Variants in KLK7 observed in about 807,000 individuals in gnomAD.
KLK7 encodes the protein kallikrein-7.
Under a neutral mutation model 21.0 loss-of-function variants are expected in KLK7, and 17 were observed. That is an observed-to-expected ratio of 0.81 (90% confidence interval 0.55 to 1.21). KLK7 has a LOEUF of 1.21. Ranked by LOEUF, KLK7 falls within the 50% of genes most tolerant of loss-of-function variation. The pLI is 0.00. For missense variants in KLK7, 330 were observed against 322.8 expected (o/e 1.02, Z -0.17); for synonymous variants, 151 against 134.6 (o/e 1.12, Z -0.85).
chr19:50,982,226 T>C lies in KLK7; in HGVS notation c.73+101A>G, dbSNP rs532081065. ...AGCCGACAGTCTGGTCCTCCCAGGA[T>C]GGAAGCTGTTTGAGGAGGGAAGGGT... On this transcript the variant is annotated intron_variant, in intron 2 of 5. Coordinates refer to ENST00000595820, the MANE Select transcript of KLK7 (RefSeq NM_005046.4). The C allele has an allele frequency of 4.8e-6, 7 of 1,452,316 alleles. No individual in the cohort carries two copies. In the African/African-American group the frequency reaches 7.0e-5, roughly 15 times the overall value. The allele number at this position is 1,452,316 out of a possible 1,614,324, so 90.0% of individuals were successfully genotyped here.
intron 5 of KLK7, 115 bp from the exon 6 acceptor site, chr19:50,977,806 C>T (rs1260200470): frequency 7.6e-6 from 8 of 1,050,648 alleles, no homozygotes; most frequent in Admixed American, 2.2e-5. Flanking sequence ...CCACCATAGC[C>T]AATGAGAAGA....
At chr19:50,981,257 G>GAA (rs2091082618) in intron 3 of KLK7, among the ~76,000 whole-genome samples, 2 of 141,226 alleles carry the variant, frequency 1.4e-5, no homozygotes, top group African/African-American at 2.8e-5. Context: ...AGAGAGAGAG[G>GAA]GACAGAGACC....
chr19:50,983,652 G>T, intron 1 of KLK7, 199 bp downstream of exon 1: 1 of 654,038 alleles, frequency 1.5e-6, no homozygotes, highest in Non-Finnish European at 2.2e-6. Context: ...CTCCGATCTT[G>T]CCCTTCCCTG....
Position 50,979,877 on chromosome 19 carries a change from G to T in KLK7, c.517C>A (p.Pro173Thr). ...TTGTAAACCTTCGTGCAGTCCTGGG[G>T]GGAGATGAGCTTGACATCCACGCAC... ...LMCVDVKLIS[P>T]QDCTKVYKDL... Residue 173 changes from proline to threonine, a missense_variant, in exon 5 of 6, where the codon CCC (proline) becomes ACC (threonine). Pro to Thr is a conservative substitution (Grantham distance 38). Transcript: ENST00000595820. The T allele has an allele frequency of 6.3e-7, 1 of 1,592,038 alleles. No homozygotes were observed. The highest frequency in any genetic ancestry group is 8.6e-7 in the Non-Finnish European group (1 of 1,169,102).
chr19:50,977,591 G>A lies in KLK7; in HGVS notation c.707C>T (p.Thr236Ile). The A allele has an allele frequency of 6.2e-7, 1 of 1,613,940 alleles. No individual in the cohort carries two copies. Among genetic ancestry groups the A allele is most frequent in the Non-Finnish European group, 8.5e-7 (1 of 1,179,970 alleles). ...CCACTTGGTGAACTTGCACACTTGA[G>A]TGTAGACTCCTGGGTCATTGGGTTG... ...CGQPNDPGVY[T>I]QVCKFTKWIN... Residue 236 changes from threonine to isoleucine, a missense_variant, in exon 6 of 6, where the codon ACT (threonine) becomes ATT (isoleucine). Transcript: ENST00000595820.
intron 5 of KLK7, 109 bp from the exon 6 acceptor site, chr19:50,977,800 C>T: frequency 9.0e-7 from 1 of 1,115,600 alleles, no homozygotes; most frequent in Non-Finnish European, 1.3e-6. Flanking sequence ...GGACTTCCAC[C>T]ATAGCCAATG....
rs762272225 is a variant in KLK7, at chr19:50,980,491, C to A, written c.222-4G>T. On this transcript the variant is annotated splice_region_variant and splice_polypyrimidine_tract_variant and intron_variant, in intron 3 of 5. Coordinates refer to ENST00000595820, the MANE Select transcript of KLK7 (RefSeq NM_005046.4). ...GCCCAGGTGCACGGTGTACTCACTG[C>A]GAGGAGTGACATTCACAGATTCAGA... is the stretch of plus-strand genomic sequence containing the variant. The A allele has an allele frequency of 6.2e-7, 1 of 1,613,302 alleles. No homozygotes were observed. Among genetic ancestry groups the A allele is most frequent in the Non-Finnish European group, 8.5e-7 (1 of 1,179,776 alleles).
At position 50,977,353 on chromosome 19, in the gene KLK7, G is replaced by T; in HGVS notation, c.*183C>A. The T allele has an allele frequency of 1.6e-6, 1 of 614,032 alleles. No individual in the cohort carries two copies. Among genetic ancestry groups the T allele is most frequent in the Non-Finnish European group, 2.8e-6 (1 of 351,122 alleles). 38.0% of individuals were successfully genotyped at this position (614,032 alleles called of 1,614,324 possible). ...TCTTCTCCAGCACTGAGGGTTTTGTGTTTCTTTATTTGTTTTGGTTTTAGG... is the reference window on the plus strand; with the variant it reads ...TCTTCTCCAGCACTGAGGGTTTTGTTTTTCTTTATTTGTTTTGGTTTTAGG... On this transcript the variant is annotated 3_prime_UTR_variant, in exon 6 of 6. Transcript: ENST00000595820.
chr19:50,978,923 A>G, intron 5 of KLK7, among the ~76,000 whole-genome samples: 1 of 142,318 alleles, frequency 7.0e-6, no homozygotes, highest in East Asian at 2.2e-4. Context: ...GAGGGAGGGG[A>G]GGAGAGAGAG....
At chr19:50,980,165 G>C (rs1387891056) in intron 4 of KLK7, 75 bp downstream of exon 4, 1 of 1,497,366 alleles carries the variant, frequency 6.7e-7, no homozygotes, top group African/African-American at 1.4e-5. Flanking sequence ...AGGGAGGAGG[G>C]GCTGGGGGCC....
chr19:50,979,780 G>T lies in KLK7; in HGVS notation c.606+8C>A, dbSNP rs751276468. On this transcript the variant is annotated splice_region_variant and intron_variant, in intron 5 of 5. Coordinates refer to ENST00000595820, the MANE Select transcript of KLK7 (RefSeq NM_005046.4). The stretch of plus-strand genomic sequence containing the variant: ...GGACTGGGGAGGAATTGGGGGGGAG[G>T]GTCTCACATTGCAGGCGTTTTTCTT... 1.3e-6 allele frequency: 2 copies of T among 1,565,120 alleles called. No individual in the cohort carries two copies. Among genetic ancestry groups the T allele is most frequent in the Admixed American group, 3.8e-5 (2 of 52,768 alleles).
rs2091044834 is a variant in KLK7, at chr19:50,977,261, C to G, written c.*275G>C. The G allele has an allele frequency of 5.5e-6, 2 of 361,964 alleles. No individual in the cohort carries two copies. Among genetic ancestry groups the G allele is most frequent in the East Asian group, 4.6e-5 (1 of 21,698 alleles). The allele number at this position is 361,964 out of a possible 1,614,324, so 22.4% of individuals were successfully genotyped here. On this transcript the variant is annotated 3_prime_UTR_variant, in exon 6 of 6. Transcript: ENST00000595820. Reference sequence around the variant, plus strand: ...AATAAGGGTCTCGGTGTACGTTGACCAAGTGTCTTCCGTAAAGACTGTACG... The same window carrying G: ...AATAAGGGTCTCGGTGTACGTTGACGAAGTGTCTTCCGTAAAGACTGTACG...
At position 50,982,416 on chromosome 19, in the gene KLK7, G is replaced by T. The variant is rs373769129; in HGVS notation, c.-17C>A. 5 of 1,599,402 alleles carry T rather than the reference G, an allele frequency of 3.1e-6. No homozygotes were observed. The African/African-American group carries it at 5.4e-5, about 17-fold the overall frequency. ...TCTTGCCATGGTGCCCTGCTGAGCCGCTCAGGGGCTGCCAGGCGAGGAAGG... is the reference window on the plus strand; with the variant it reads ...TCTTGCCATGGTGCCCTGCTGAGCCTCTCAGGGGCTGCCAGGCGAGGAAGG... On this transcript the variant is annotated 5_prime_UTR_variant, in exon 2 of 6. Coordinates refer to ENST00000595820, the MANE Select transcript of KLK7 (RefSeq NM_005046.4).
chr19:50,980,267 C>A lies in KLK7; in HGVS notation c.442G>T (p.Gly148Cys). 1 of 1,613,846 alleles carries A rather than the reference C, an allele frequency of 6.2e-7. No individual in the cohort carries two copies. Among genetic ancestry groups the A allele is most frequent in the Non-Finnish European group, 8.5e-7 (1 of 1,179,942 alleles). The change falls in exon 4 of 6, where the codon GGC becomes TGC. Residue 148 changes from glycine to cysteine, a missense_variant. Transcript: ENST00000595820. ...TCTGGGCTCGTGGTAGTGCCCCAGC[C>A]GGAGACAGTACAGGTGGTTCCAGGG... ...EPPGTTCTVSGWGTTTSPDVT... is the reference protein window; with the variant it reads ...EPPGTTCTVSCWGTTTSPDVT...
Position 50,977,546 on chromosome 19 carries a change from T to C in KLK7, c.752A>G (p.Lys251Arg), listed in dbSNP as rs199661764. ...TAACTCAGTGTGGCGTTAGCGATGCTTTTTCATGGTGTCATTTATCCACTT... is the reference window on the plus strand; with the variant it reads ...TAACTCAGTGTGGCGTTAGCGATGCCTTTTCATGGTGTCATTTATCCACTT... The part of the protein sequence containing the change: ...FTKWINDTMK[K>R]HR The change falls in exon 6 of 6, where the codon AAG (lysine) becomes AGG (arginine). Residue 251 changes from lysine (K) to arginine (R), a missense_variant. By Grantham distance (26) the Lys-to-Arg change is conservative. Transcript: ENST00000595820. 10 of 1,613,728 alleles carry C rather than the reference T, an allele frequency of 6.2e-6. No individual in the cohort carries two copies. Among genetic ancestry groups the C allele is most frequent in the Admixed American group, 3.3e-5 (2 of 60,014 alleles).
rs779014484 is a variant in KLK7, at chr19:50,976,590, T to C, written c.*946A>G. ...ACCCCAGTATGCAGTCTGGGACATG[T>C]GTTTTCAGATCTGATTCTGTGAATA... is the stretch of plus-strand genomic sequence containing the variant. On this transcript the variant is annotated 3_prime_UTR_variant, in exon 6 of 6. Transcript: ENST00000595820. 2.6e-5 allele frequency: 4 copies of C among 152,228 alleles called. No individual in the cohort carries two copies. The highest frequency in any genetic ancestry group is 4.4e-5 in the Non-Finnish European group (3 of 68,042). 9.4% of individuals were successfully genotyped at this position (152,228 alleles called of 1,614,324 possible). A position where few individuals can be genotyped will look rare whatever the true frequency, so the allele number is the denominator to read the frequency against.
Position 50,979,808 on chromosome 19 carries a change from A to C in KLK7, c.586T>G (p.Ser196Ala). 1 of 1,573,134 alleles carries C rather than the reference A, an allele frequency of 6.4e-7. No homozygotes were observed. The highest frequency in any genetic ancestry group is 8.6e-7 in the Non-Finnish European group (1 of 1,158,138). The change falls in exon 5 of 6, where the codon TCC becomes GCC. Residue 196 changes from serine to alanine, a missense_variant. Coordinates refer to ENST00000595820, the MANE Select transcript of KLK7 (RefSeq NM_005046.4). ...NSMLCAGIPD[S>A]KKNACNGDSG... The stretch of plus-strand genomic sequence containing the variant: ...CTCACATTGCAGGCGTTTTTCTTGG[A>C]GTCGGGGATGCCAGCGCACAGCATG...
rs1018498299 is a variant in KLK7, at chr19:50,976,653, T to A, written c.*883A>T. 1 of 152,216 alleles carries A rather than the reference T, an allele frequency of 6.6e-6. No homozygotes were observed. Among genetic ancestry groups the A allele is most frequent in the Non-Finnish European group, 1.5e-5 (1 of 68,044 alleles). The allele number at this position is 152,216 out of a possible 1,614,324, so 9.4% of individuals were successfully genotyped here. A position where few individuals can be genotyped will look rare whatever the true frequency, so the allele number is the denominator to read the frequency against. Reference sequence around the variant, plus strand: ...TGGGTAGGGTCACATACATATATATTTTTGTCCTTCCTTTTGTCATTTAAC... The same window carrying A: ...TGGGTAGGGTCACATACATATATATATTTGTCCTTCCTTTTGTCATTTAAC... On this transcript the variant is annotated 3_prime_UTR_variant, in exon 6 of 6. Transcript: ENST00000595820.
rs1397061834 is a variant in KLK7 at position 50,976,471 on chromosome 19, G to A, written c.*1065C>T. 2.0e-5 allele frequency: 3 copies of A among 152,088 alleles called. No individual in the cohort carries two copies. The highest frequency in any genetic ancestry group is 4.8e-5 in the African/African-American group (2 of 41,404). The allele number at this position is 152,088 out of a possible 1,614,324, so 9.4% of individuals were successfully genotyped here. Reference sequence around the variant, plus strand: ...GAAAGGTCACCTCTCTCCAATCTTAGATCTTCAGACTTTTTTCCCCACCTT... The same window carrying A: ...GAAAGGTCACCTCTCTCCAATCTTAAATCTTCAGACTTTTTTCCCCACCTT... On this transcript the variant is annotated 3_prime_UTR_variant, in exon 6 of 6. Transcript: ENST00000595820.
Sources: gnomAD v4.1 joint callset for allele counts (sites outside exome capture counted in the v4.1 genomes callset) on GRCh38, gnomAD v4.1.1 for gene constraint, MANE v1.5 for transcripts, NCBI Gene and HGNC (gene_info 2026-07-23, HGNC 2026-07-21) for gene names.